The following CDH12 variants were observed in gnomAD, a reference collection of about 807,000 sequenced individuals.
CDH12 encodes the protein cadherin-12.
A neutral mutation model predicts 74.1 loss-of-function variants in CDH12; 41 were observed. The observed-to-expected ratio is 0.55, with a 90% CI of 0.43 to 0.72. The LOEUF (loss-of-function observed/expected upper bound fraction) is 0.72. Among genes scored for constraint, CDH12 ranks in the 30% least tolerant of loss-of-function variants. CDH12 has a pLI of 0.00. For synonymous variants in CDH12, 399 were observed against 355.0 expected (o/e 1.12, Z -1.39); for missense variants, 945 against 977.2 (o/e 0.97, Z 0.44).
At chr5:22,567,178 C>A (rs1739329621) in intron 1 of CDH12, among the ~76,000 whole-genome samples, 1 of 152,122 alleles carries the variant, frequency 6.6e-6, no homozygotes, top group African/African-American at 2.4e-5. Context: ...AAAGTAACTT[C>A]CTGAAAATGC....
At chr5:22,428,594 C>T (rs1744040119) in intron 2 of CDH12, among the ~76,000 whole-genome samples, 1 of 152,090 alleles carries the variant, frequency 6.6e-6, no homozygotes, top group South Asian at 2.1e-4. Context: ...AAATACACGA[C>T]AGATAGATGT....
At chr5:22,314,941 CTTTTTTTTTTTTTTT>C (rs759734847) in intron 3 of CDH12, among the ~76,000 whole-genome samples, 4 of 67,768 alleles carry the variant, frequency 5.9e-5, no homozygotes, top group Non-Finnish European at 7.5e-5. Flanking sequence ...CTGGGTTGGT[CTTTTTTTTTTTTTTT>C]TTTTTTTTTT....
chr5:22,830,041 C>T (rs745320147), intron 1 of CDH12, among the ~76,000 whole-genome samples: 1 of 152,078 alleles, frequency 6.6e-6, no homozygotes, highest in Non-Finnish European at 1.5e-5. Flanking sequence ...CTACTAAAGG[C>T]TAAATGATTT....
chr5:22,364,694 A>C (rs2126317181), intron 3 of CDH12, among the ~76,000 whole-genome samples: 1 of 152,344 alleles, frequency 6.6e-6, no homozygotes, highest in Non-Finnish European at 1.5e-5. Context: ...TGAATAAATG[A>C]ATGCTTTCAG....
intron 1 of CDH12, among the ~76,000 whole-genome samples, chr5:22,548,574 T>C (rs1738430051): frequency 6.6e-6 from 1 of 152,056 alleles, no homozygotes. Context: ...TGAAGCCAGC[T>C]TGTTGGTGTC....
chr5:22,641,828 G>C (rs940937375), intron 1 of CDH12, among the ~76,000 whole-genome samples: 7 of 152,164 alleles, frequency 4.6e-5, no homozygotes, highest in Admixed American at 4.6e-4. Context: ...CCTTTCTCAG[G>C]CTTCTTTATT....
intron 1 of CDH12, among the ~76,000 whole-genome samples, chr5:22,830,773 T>G (rs1736568486): frequency 6.6e-6 from 1 of 151,728 alleles, no homozygotes; most frequent in African/African-American, 2.4e-5. Flanking sequence ...TATATTAACT[T>G]AATTTTAATA....
chr5:22,374,693 G>A (rs1478713694), intron 3 of CDH12, among the ~76,000 whole-genome samples: 1 of 151,654 alleles, frequency 6.6e-6, no homozygotes, highest in Non-Finnish European at 1.5e-5. Context: ...AATCAAGAAG[G>A]CAATATCATT....
At chr5:22,288,960 C>G (rs904013428) in intron 3 of CDH12, among the ~76,000 whole-genome samples, 4 of 152,066 alleles carry the variant, frequency 2.6e-5, no homozygotes. Context: ...GAAAGGATTG[C>G]TTGAGCACAG....
intron 4 of CDH12, among the ~76,000 whole-genome samples, chr5:22,209,546 C>T (rs192200515): frequency 6.6e-6 from 1 of 151,792 alleles, no homozygotes; most frequent in African/African-American, 2.4e-5. Flanking sequence ...AGTGTGTCAA[C>T]CTCTCTTGGA....
At chr5:21,799,041 A>C (rs1472342429) in intron 10 of CDH12, among the ~76,000 whole-genome samples, 1 of 152,186 alleles carries the variant, frequency 6.6e-6, no homozygotes, top group African/African-American at 2.4e-5. Context: ...CTGTAGAGAA[A>C]GATTCTGTCC....
intron 4 of CDH12, among the ~76,000 whole-genome samples, chr5:22,204,697 G>A (rs1172470913): frequency 6.6e-6 from 1 of 152,128 alleles, no homozygotes; most frequent in Non-Finnish European, 1.5e-5. Context: ...AAACTAATGT[G>A]GTGCTGGAGG....
chr5:22,128,688 A>G (rs968494901), intron 4 of CDH12, among the ~76,000 whole-genome samples: 2 of 152,162 alleles, frequency 1.3e-5, no homozygotes, highest in African/African-American at 4.8e-5. Context: ...CTCACACTAA[A>G]GAATTTTTCC....
chr5:22,273,687 C>T (rs546546165), intron 3 of CDH12, among the ~76,000 whole-genome samples: 2 of 152,242 alleles, frequency 1.3e-5, no homozygotes, highest in Admixed American at 6.5e-5. Flanking sequence ...TCAGACTGAG[C>T]TGGTAAAGTT....
intron 5 of CDH12, among the ~76,000 whole-genome samples, chr5:22,009,939 CAAA>C (rs774589642): frequency 1.8e-5 from 1 of 54,338 alleles, no homozygotes; most frequent in African/African-American, 5.6e-5. Context: ...GAAACTGTCT[CAAA>C]AAAAAAAAAA....
chr5:21,917,733 T>C (rs573054352), intron 6 of CDH12, among the ~76,000 whole-genome samples: 58 of 152,318 alleles, frequency 3.8e-4, no homozygotes, highest in African/African-American at 1.3e-3. Flanking sequence ...CTGGTTAGGC[T>C]ATTTAAAAAA....
chr5:22,356,467 A>G (rs1439444732), intron 3 of CDH12, among the ~76,000 whole-genome samples: 1 of 152,144 alleles, frequency 6.6e-6, no homozygotes, highest in Non-Finnish European at 1.5e-5. Flanking sequence ...TTTAAATACA[A>G]TATGCTTAAT....
chr5:22,315,377 G>A (rs181298142), intron 3 of CDH12, among the ~76,000 whole-genome samples: 116 of 151,968 alleles, frequency 7.6e-4, no homozygotes, highest in Non-Finnish European at 1.5e-3. Context: ...ATTTTGTGAC[G>A]ATGAGTTTAT....
rs1235622721 is a variant in CDH12 at position 22,422,355 on chromosome 5, T to G, written c.-427-17004A>C. On this transcript the variant is annotated intron_variant, in intron 2 of 14. Coordinates refer to ENST00000382254, the MANE Select transcript of CDH12 (RefSeq NM_004061.5). ...CATCTATTGAGATAATTATGCAGTTTTTTTCTTTAGTTCTGTTTATATTAT... is the reference window on the plus strand; with the variant it reads ...CATCTATTGAGATAATTATGCAGTTGTTTTCTTTAGTTCTGTTTATATTAT... 5.3e-5 allele frequency among the ~76,000 whole-genome samples: 8 copies of G among 152,310 alleles called. 1 individual carries two copies. In the East Asian group the frequency reaches 1.4e-3, roughly 26 times the overall value.
Sources: gnomAD v4.1 joint callset for allele counts (sites outside exome capture counted in the v4.1 genomes callset) on GRCh38, gnomAD v4.1.1 for gene constraint, MANE v1.5 for transcripts, NCBI Gene and HGNC (gene_info 2026-07-23, HGNC 2026-07-21) for gene names.